The following HS3ST1 variants were observed in gnomAD, a reference collection of about 807,000 sequenced individuals.
HS3ST1 encodes the protein heparan sulfate-glucosamine 3-sulfotransferase 1.
Under a neutral mutation model 20.7 loss-of-function variants are expected in HS3ST1, and 8 were observed. That is an observed-to-expected ratio of 0.39 (90% CI 0.23 to 0.70). The LOEUF is 0.70. Ranked by LOEUF, HS3ST1 falls within the 30% of genes least tolerant of loss-of-function variation. HS3ST1 has a pLI of 0.46. For missense variants in HS3ST1, 436 were observed against 423.4 expected (o/e 1.03, Z -0.26); for synonymous variants, 205 against 190.4 (o/e 1.08, Z -0.63).
Position 11,397,210 on chromosome 4 carries a change from A to C in HS3ST1, c.*1872T>G, listed in dbSNP as rs1396457294. The C allele has an allele frequency of 6.6e-6, 1 of 152,236 alleles. No homozygotes were observed. The highest frequency in any genetic ancestry group is 1.5e-5 in the Non-Finnish European group (1 of 68,064). 9.4% of individuals were successfully genotyped at this position (152,236 alleles called of 1,614,324 possible). A position where few individuals can be genotyped will look rare whatever the true frequency, so the allele number is the denominator to read the frequency against. ...CATGTCCACCAGGGGCCTGCTGTAA[A>C]TATTTCTGCTACTTCCTCTGGGGGA... On this transcript the variant is annotated 3_prime_UTR_variant, in exon 2 of 2. Coordinates refer to ENST00000002596, the MANE Select transcript of HS3ST1 (RefSeq NM_005114.4).
At position 11,400,051 on chromosome 4, in the gene HS3ST1, T is replaced by C. The variant is rs769082759; in HGVS notation, c.-46A>G. 363 of 1,443,010 alleles carry C rather than the reference T, an allele frequency of 2.5e-4. No homozygotes were observed. Among genetic ancestry groups the C allele is most frequent in the Non-Finnish European group, 3.2e-4 (353 of 1,102,070 alleles). 89.4% of individuals were successfully genotyped at this position (1,443,010 alleles called of 1,614,324 possible). On this transcript the variant is annotated 5_prime_UTR_variant, in exon 2 of 2. The change abolishes an upstream ATG in the 5' untranslated region. Transcript: ENST00000002596. Reference sequence around the variant, plus strand: ...CACTGGGCCGCGCGCCGCTGGGTCATGAAGTGCCGCAGCAGGGAAGCCTCC... The same window carrying C: ...CACTGGGCCGCGCGCCGCTGGGTCACGAAGTGCCGCAGCAGGGAAGCCTCC...
chr4:11,406,980 G>A (rs1718483867), intron 1 of HS3ST1, among the ~76,000 whole-genome samples: 1 of 152,014 alleles, frequency 6.6e-6, no homozygotes, highest in Non-Finnish European at 1.5e-5. Flanking sequence ...ACCTCACAGT[G>A]GTGTCAGATT....
chr4:11,396,871 C>G lies in HS3ST1; in HGVS notation c.*2211G>C, dbSNP rs993580020. 5 of 152,316 alleles carry G rather than the reference C, an allele frequency of 3.3e-5. No homozygotes were observed. The highest frequency in any genetic ancestry group is 1.2e-4 in the African/African-American group (5 of 41,452). 9.4% of individuals were successfully genotyped at this position (152,316 alleles called of 1,614,324 possible). On this transcript the variant is annotated 3_prime_UTR_variant, in exon 2 of 2. Transcript: ENST00000002596. ...CCTCCATCGACTATGCCAGTCCCAG[C>G]AGCTAGATTATATTCCATGTGCTGG... is the stretch of plus-strand genomic sequence containing the variant.
At position 11,399,849 on chromosome 4, in the gene HS3ST1, G is replaced by C; in HGVS notation, c.157C>G (p.Gln53Glu). ...DGVAPNGSAQ[Q>E]LPQTIIIGVR... is the part of the protein sequence containing the mutation. Reference sequence around the variant, plus strand: ...CCGATGATGATGGTCTGCGGCAACTGCTGGGCAGAGCCGTTTGGGGCCACG... The same window carrying C: ...CCGATGATGATGGTCTGCGGCAACTCCTGGGCAGAGCCGTTTGGGGCCACG... Residue 53 changes from glutamine (Q) to glutamate (E), a missense_variant, in exon 2 of 2, where the codon CAG becomes GAG. By Grantham distance (29) the Gln-to-Glu change is conservative (BLOSUM62 2). Transcript: ENST00000002596. This position sits in a 1 kb window ranked among gnomAD's most constrained non-coding sequence, Gnocchi z 5.1. 1 of 1,612,834 alleles carries C rather than the reference G, an allele frequency of 6.2e-7. No homozygotes were observed. The highest frequency in any genetic ancestry group is 8.5e-7 in the Non-Finnish European group (1 of 1,179,848).
At chr4:11,411,095 T>C (rs1718620172) in intron 1 of HS3ST1, among the ~76,000 whole-genome samples, 2 of 152,146 alleles carry the variant, frequency 1.3e-5, no homozygotes, top group South Asian at 4.1e-4. Flanking sequence ...TCTTTTTAGG[T>C]ATGTGTGCTC....
chr4:11,427,484 A>G (rs983219785), intron 1 of HS3ST1, among the ~76,000 whole-genome samples: 4 of 152,198 alleles, frequency 2.6e-5, no homozygotes, highest in Admixed American at 6.5e-5. Context: ...CGCAGCGCAA[A>G]GACAGTGGAT....
At chr4:11,417,788 A>G (rs1231252161) in intron 1 of HS3ST1, among the ~76,000 whole-genome samples, 2 of 152,218 alleles carry the variant, frequency 1.3e-5, no homozygotes, top group Admixed American at 6.5e-5. Context: ...AGCCAGAAAG[A>G]TATCAGATTT....
chr4:11,408,536 C>T (rs1718531169), intron 1 of HS3ST1, among the ~76,000 whole-genome samples: 1 of 152,204 alleles, frequency 6.6e-6, no homozygotes, highest in Non-Finnish European at 1.5e-5. Context: ...TAAAGGGCTC[C>T]TGAACGAATG....
At chr4:11,403,276 T>C (rs1050467329) in intron 1 of HS3ST1, among the ~76,000 whole-genome samples, 115 of 152,334 alleles carry the variant, frequency 7.5e-4, no homozygotes, top group Admixed American at 1.7e-3. Flanking sequence ...CTGTGGGCAT[T>C]GGGAGCCAAC....
At chr4:11,431,397 G>T (rs1719203043), upstream of HS3ST1, among the ~76,000 whole-genome samples, 2 of 152,176 alleles carry the variant, frequency 1.3e-5, no homozygotes, top group African/African-American at 4.8e-5. Flanking sequence ...TGTGGCCCAA[G>T]ACTCTTTTTA....
chr4:11,430,776 A>AT, upstream of HS3ST1, among the ~76,000 whole-genome samples: 1 of 152,348 alleles, frequency 6.6e-6, no homozygotes, highest in Middle Eastern at 3.4e-3. Context: ...GGAAGTTTCC[A>AT]TTTGCAGGAA....
chr4:11,430,919 C>T (rs1020123078), upstream of HS3ST1, among the ~76,000 whole-genome samples: 1 of 152,260 alleles, frequency 6.6e-6, no homozygotes, highest in Admixed American at 6.5e-5. Context: ...TAAATAAAAA[C>T]ACCAACTGGC....
chr4:11,424,417 TC>T (rs1364594987), intron 1 of HS3ST1, among the ~76,000 whole-genome samples: 1 of 152,146 alleles, frequency 6.6e-6, no homozygotes, highest in African/African-American at 2.4e-5. Context: ...CAGACTTCAT[TC>T]CCCATGGGTA....
At chr4:11,400,185 ACT>A (rs1331041663) in intron 1 of HS3ST1, 72 bp from the exon 2 acceptor site, 1 of 1,284,274 alleles carries the variant, frequency 7.8e-7, no homozygotes, top group Admixed American at 3.1e-5. Context: ...CTCTGTAGCC[ACT>A]CTGTAGTGAG....
Position 11,399,562 on chromosome 4 carries a change from G to C in HS3ST1, c.444C>G (p.Asp148Glu). Reference sequence around the variant, plus strand: ...AGTCAGATAGCACGCGCTCCGACGGGTCTCGCAGGATGAGCAGCAGCCGGA... The same window carrying C: ...AGTCAGATAGCACGCGCTCCGACGGCTCTCGCAGGATGAGCAGCAGCCGGA... ...PSIRLLLILR[D>E]PSERVLSDYT... Residue 148 changes from aspartate to glutamate, a missense_variant, in exon 2 of 2, where the codon GAC (aspartate) becomes GAG (glutamate). Asp to Glu is a conservative substitution (Grantham distance 45). Coordinates refer to ENST00000002596, the MANE Select transcript of HS3ST1 (RefSeq NM_005114.4). The surrounding 1 kb of genome is among the most constrained non-coding windows in gnomAD (Gnocchi z 5.1). The C allele has an allele frequency of 6.2e-7, 1 of 1,613,866 alleles. No individual in the cohort carries two copies. Among genetic ancestry groups the C allele is most frequent in the East Asian group, 2.2e-5 (1 of 44,864 alleles).
chr4:11,399,390 A>G lies in HS3ST1; in HGVS notation c.616T>C (p.Phe206Leu). 2 of 1,614,016 alleles carry G rather than the reference A, an allele frequency of 1.2e-6. No individual in the cohort carries two copies. Among genetic ancestry groups the G allele is most frequent in the Non-Finnish European group, 1.7e-6 (2 of 1,180,016 alleles). ...YHVHMQNWLR[F>L]FPLRHIHIVD... is the part of the protein sequence containing the mutation. ...ATGTGGATGTGGCGCAGCGGGAAAA[A>G]GCGCAGCCAGTTCTGCATGTGCACG... Residue 206 changes from phenylalanine (F) to leucine (L), a missense_variant, in exon 2 of 2, where the codon TTT becomes CTT. By Grantham distance (22) the Phe-to-Leu change is conservative. Transcript: ENST00000002596. The surrounding 1 kb of genome is among the most constrained non-coding windows in gnomAD (Gnocchi z 5.1).
At chr4:11,400,252 G>A (rs981663078) in intron 1 of HS3ST1, 139 bp from the exon 2 acceptor site, 2 of 672,900 alleles carry the variant, frequency 3.0e-6, no homozygotes, top group Admixed American at 3.9e-5. Flanking sequence ...AGGAGCCGAT[G>A]GCAAACATTT....
chr4:11,410,869 G>A (rs1718609252), intron 1 of HS3ST1, among the ~76,000 whole-genome samples: 2 of 151,192 alleles, frequency 1.3e-5, no homozygotes, highest in South Asian at 4.2e-4. Flanking sequence ...TCCAGCCTGG[G>A]CAACAGAGCG....
At chr4:11,413,945 C>T (rs981023571) in intron 1 of HS3ST1, 1 of 152,006 alleles carries the variant, frequency 6.6e-6, no homozygotes, top group Non-Finnish European at 1.5e-5. Flanking sequence ...GCATTCCTTC[C>T]TCTAAATCAT....
Sources: gnomAD v4.1 joint callset for allele counts (sites outside exome capture counted in the v4.1 genomes callset) on GRCh38, gnomAD v4.1.1 for gene constraint, Gnocchi (gnomAD v3.1) non-coding constraint, MANE v1.5 for transcripts, NCBI Gene and HGNC (gene_info 2026-07-23, HGNC 2026-07-21) for gene names.